NAT1: variants seen among roughly 807,000 people sequenced by gnomAD.
NAT1 encodes N-acetyltransferase 1, also known as arylamine N-acetyltransferase 1.
For synonymous variants in NAT1, 144 were observed against 122.6 expected (o/e 1.17, Z -1.16); for missense variants, 400 against 339.2 (o/e 1.18, Z -1.41).
At chr8:18,171,691 C>T (rs902152789) in intron 2 of NAT1, among the ~76,000 whole-genome samples, 4 of 152,120 alleles carry the variant, frequency 2.6e-5, no homozygotes, top group Non-Finnish European at 4.4e-5. Flanking sequence ...TGGTCTGTTA[C>T]ACAATTCTGC....
chr8:18,220,797 C>T (rs956325777), intron 2 of NAT1, among the ~76,000 whole-genome samples: 3 of 147,792 alleles, frequency 2.0e-5, no homozygotes, highest in Admixed American at 1.3e-4. Flanking sequence ...GCAGAATGTA[C>T]ACGCTTAGGT....
chr8:18,213,268 TTTTTTG>T (rs1264168680), intron 1 of NAT1, among the ~76,000 whole-genome samples: 1 of 151,932 alleles, frequency 6.6e-6, no homozygotes, highest in Non-Finnish European at 1.5e-5. Flanking sequence ...TTTTTCAATG[TTTTTTG>T]TCTAAAAAAC....
intron 1 of NAT1, among the ~76,000 whole-genome samples, chr8:18,214,720 A>G (rs546904354): frequency 1.3e-5 from 2 of 152,160 alleles, no homozygotes; most frequent in South Asian, 2.1e-4. Context: ...CCAGGGGTAC[A>G]TGTACAGGTT....
chr8:18,200,454 T>A (rs1469753301), intron 2 of NAT1, among the ~76,000 whole-genome samples: 1 of 152,176 alleles, frequency 6.6e-6, no homozygotes. Flanking sequence ...TAATACCACA[T>A]GTTCTCACTT....
chr8:18,197,889 CTT>C (rs532863435), intron 2 of NAT1, among the ~76,000 whole-genome samples: 20 of 139,630 alleles, frequency 1.4e-4, no homozygotes, highest in East Asian at 2.1e-4. Flanking sequence ...TATGTTTATA[CTT>C]TTTTTTTTTT....
intron 2 of NAT1, among the ~76,000 whole-genome samples, chr8:18,172,617 G>C (rs563632189): frequency 1.3e-5 from 2 of 152,254 alleles, no homozygotes; most frequent in Non-Finnish European, 2.9e-5. Context: ...CCTTGGCTCA[G>C]CTCAGTGGTA....
In NAT1 at chr8:18,222,258, G is replaced by A; in HGVS notation, c.211G>A (p.Val71Ile). 6.2e-7 allele frequency: 1 copy of A among 1,614,072 alleles called. No individual in the cohort carries two copies. The highest frequency in any genetic ancestry group is 8.5e-7 in the Non-Finnish European group (1 of 1,179,990). Reference sequence around the variant, plus strand: ...AAATCGGGGTGGATGGTGTCTCCAGGTCAATCATCTTCTGTACTGGGCTCT... The same window carrying A: ...AAATCGGGGTGGATGGTGTCTCCAGATCAATCATCTTCTGTACTGGGCTCT... ...RRNRGGWCLQVNHLLYWALTT... is the reference protein window; with the variant it reads ...RRNRGGWCLQINHLLYWALTT... The change falls in exon 3 of 3, where the codon GTC becomes ATC. Residue 71 changes from valine to isoleucine, a missense_variant. By Grantham distance (29) the Val-to-Ile change is conservative. Transcript: ENST00000307719.
chr8:18,205,103 G>C (rs576911050), intron 2 of NAT1, among the ~76,000 whole-genome samples: 47 of 152,280 alleles, frequency 3.1e-4, no homozygotes, highest in African/African-American at 1.1e-3. Context: ...TCCGATGGGT[G>C]GTGTCGGCCA....
rs1805350388 is a variant in NAT1, at chr8:18,222,022, GT to G, written c.-6-16del. ...TGTAAAAGTAAAATGATTTGCTTTC[GT>G]TTTGTTTTCCTTGCTTAGGGGATCA... is the stretch of plus-strand genomic sequence containing the variant. On this transcript the variant is annotated intron_variant, in intron 2 of 2. Coordinates refer to ENST00000307719, the MANE Select transcript of NAT1 (RefSeq NM_000662.8). 1.3e-6 allele frequency: 2 copies of G among 1,579,974 alleles called. No individual in the cohort carries two copies. Among genetic ancestry groups the G allele is most frequent in the Non-Finnish European group, 1.7e-6 (2 of 1,163,620 alleles).
At chr8:18,175,944 T>A (rs749386344) in intron 2 of NAT1, among the ~76,000 whole-genome samples, 6 of 152,106 alleles carry the variant, frequency 3.9e-5, no homozygotes, top group South Asian at 4.1e-4. Context: ...TAAATTTACA[T>A]TTCCCTGATG....
upstream of NAT1, among the ~76,000 whole-genome samples, chr8:18,207,298 G>A (rs7018211): frequency 0.054 from 8,222 of 152,106 alleles, 657 homozygotes; most frequent in African/African-American, 0.17. Context: ...ATTTGAAGGT[G>A]GGTAGTGGGA....
intron 2 of NAT1, among the ~76,000 whole-genome samples, chr8:18,174,056 C>G (rs548674546): frequency 2.0e-5 from 3 of 152,170 alleles, no homozygotes; most frequent in East Asian, 3.9e-4. Flanking sequence ...TTGTGAGGTT[C>G]TGTGTGTGAT....
chr8:18,179,095 T>A lies in NAT1; in HGVS notation n.92+8356T>A, dbSNP rs1192443453. 2.0e-5 allele frequency among the ~76,000 whole-genome samples: 3 copies of A among 152,284 alleles called. No individual in the cohort carries two copies. The East Asian group carries it at 5.8e-4, about 29-fold the overall frequency. The stretch of plus-strand genomic sequence containing the variant: ...TTCTCTCTTGTCCTCTTCCTCACTC[T>A]GTCCTGGCCAATTTGTTCTTACATC... On this transcript the variant is annotated intron_variant and non_coding_transcript_variant, in intron 2 of 4. Transcript: ENST00000517441.
chr8:18,181,336 C>A (rs895334561), intron 2 of NAT1, among the ~76,000 whole-genome samples: 1 of 151,860 alleles, frequency 6.6e-6, no homozygotes, highest in Admixed American at 6.6e-5. Flanking sequence ...ACAGATTCAA[C>A]GCAATCCCTA....
At chr8:18,173,616 G>C (rs537954255) in intron 2 of NAT1, among the ~76,000 whole-genome samples, 16 of 152,272 alleles carry the variant, frequency 1.1e-4, no homozygotes, top group Non-Finnish European at 1.9e-4. Context: ...AGCCCAGCGT[G>C]GATAGTGGAG....
upstream of NAT1, among the ~76,000 whole-genome samples, chr8:18,205,718 G>A (rs776640874): frequency 9.2e-5 from 14 of 152,234 alleles, no homozygotes; most frequent in South Asian, 4.1e-4. Flanking sequence ...GGAAGCTGCA[G>A]TGTGGAGAGG....
intron 2 of NAT1, among the ~76,000 whole-genome samples, chr8:18,189,616 G>T (rs1305061754): frequency 6.6e-6 from 1 of 152,142 alleles, no homozygotes; most frequent in South Asian, 2.1e-4. Flanking sequence ...AGTTTTTATA[G>T]GTAGAAGGCT....
At chr8:18,221,527 C>T (rs916211379) in intron 2 of NAT1, among the ~76,000 whole-genome samples, 3 of 152,082 alleles carry the variant, frequency 2.0e-5, no homozygotes, top group African/African-American at 4.8e-5. Context: ...GTAGGAAACA[C>T]ATTATAGCTA....
chr8:18,201,648 C>T (rs111682072), intron 2 of NAT1, among the ~76,000 whole-genome samples: 1 of 152,226 alleles, frequency 6.6e-6, no homozygotes, highest in Non-Finnish European at 1.5e-5. Flanking sequence ...GGCTGACCAG[C>T]GTGGGCTGAC....
Sources: gnomAD v4.1 joint callset for allele counts (sites outside exome capture counted in the v4.1 genomes callset) on GRCh38, gnomAD v4.1.1 for gene constraint, MANE v1.5 for transcripts, NCBI Gene and HGNC (gene_info 2026-07-23, HGNC 2026-07-21) for gene names.